Variants in DNAJC24 observed in about 807,000 individuals in gnomAD.
DNAJC24 encodes DnaJ heat shock protein family (Hsp40) member C24, also known as dnaJ homolog subfamily C member 24.
In DNAJC24, 17 loss-of-function variants were observed where a neutral mutation model predicts 18.0. The observed-to-expected ratio is 0.94, with a 90% CI of 0.65 to 1.42. The LOEUF is 1.42. DNAJC24 is among the 40% of genes most tolerant of loss of function. DNAJC24 has a pLI of 0.00. For missense variants in DNAJC24, 158 were observed against 175.6 expected, an observed-to-expected ratio of 0.90 and a Z score of 0.57; for synonymous variants, 55 against 57.7, an observed-to-expected ratio of 0.95 and a Z score of 0.21.
At chr11:31,398,910 A>C (rs1169646265) in intron 2 of DNAJC24, among the ~76,000 whole-genome samples, 3 of 152,176 alleles carry the variant, frequency 2.0e-5, no homozygotes, top group Non-Finnish European at 2.9e-5. Flanking sequence ...AATTGTATAA[A>C]AAAACATCTT....
intron 2 of DNAJC24, among the ~76,000 whole-genome samples, chr11:31,379,172 T>G (rs992879639): frequency 2.6e-5 from 4 of 152,164 alleles, no homozygotes; most frequent in Non-Finnish European, 5.9e-5. Flanking sequence ...TACTGGTCCA[T>G]GGCCAGTTAG....
intron 2 of DNAJC24, among the ~76,000 whole-genome samples, chr11:31,403,241 G>A (rs1006884103): frequency 5.9e-5 from 9 of 151,822 alleles, no homozygotes; most frequent in African/African-American, 2.2e-4. Context: ...CTGCCCATCA[G>A]GTTCACCAAA....
chr11:31,380,132 T>C lies in DNAJC24; in HGVS notation c.111+9273T>C, dbSNP rs191965498. Among the ~76,000 whole-genome samples the C allele has an allele frequency of 9.2e-4, 140 of 152,322 alleles. 1 individual carries two copies. Among genetic ancestry groups the C allele is most frequent in the African/African-American group, 3.2e-3 (134 of 41,574 alleles). ...ACTTACCTAGCTGATAGGAAATCTA[T>C]GAAGAGATGATTTAGGGCATTATTA... On this transcript the variant is annotated intron_variant, in intron 2 of 4. Transcript: ENST00000465995.
In DNAJC24 at chr11:31,379,590, T is replaced by A. The variant is rs75941010; in HGVS notation, c.111+8731T>A. Among the ~76,000 whole-genome samples, 1,190 of 152,240 alleles carry A rather than the reference T, an allele frequency of 7.8e-3. 19 individuals carry two copies. Among genetic ancestry groups the A allele is most frequent in the African/African-American group, 0.027 (1,139 of 41,540 alleles). ...AATGGATGCAATTTAAACAGAACAA[T>A]TAATTGAGACTGCAGTGGTAATCTG... On this transcript the variant is annotated intron_variant, in intron 2 of 4. Coordinates refer to ENST00000465995, the MANE Select transcript of DNAJC24 (RefSeq NM_181706.5).
intron 2 of DNAJC24, among the ~76,000 whole-genome samples, chr11:31,381,168 T>G (rs982937782): frequency 6.6e-6 from 1 of 152,214 alleles, no homozygotes; most frequent in Non-Finnish European, 1.5e-5. Context: ...ACATGAAGCA[T>G]CGTTAAAATT....
At chr11:31,389,720 T>C (rs1952469356) in intron 2 of DNAJC24, among the ~76,000 whole-genome samples, 1 of 152,218 alleles carries the variant, frequency 6.6e-6, no homozygotes, top group South Asian at 2.1e-4. Context: ...ATTCTTCTCA[T>C]CAGCACATGT....
At chr11:31,420,806 A>G (rs901076100) in intron 3 of DNAJC24, among the ~76,000 whole-genome samples, 10 of 152,124 alleles carry the variant, frequency 6.6e-5, no homozygotes, top group Admixed American at 4.6e-4. Flanking sequence ...GTTGTGTACA[A>G]TCTACTATTT....
intron 3 of DNAJC24, among the ~76,000 whole-genome samples, chr11:31,425,360 G>T (rs1952851435): frequency 6.6e-6 from 1 of 152,108 alleles, no homozygotes; most frequent in Non-Finnish European, 1.5e-5. Flanking sequence ...AGCACTTTTA[G>T]TCTGATCTCA....
intron 2 of DNAJC24, among the ~76,000 whole-genome samples, chr11:31,389,470 A>T (rs1012863189): frequency 6.6e-6 from 1 of 152,234 alleles, no homozygotes; most frequent in Non-Finnish European, 1.5e-5. Context: ...TTGTAAATAC[A>T]TATACACCAA....
In DNAJC24 at chr11:31,396,166, T is replaced by G. The variant is rs79878268; in HGVS notation, c.112-18645T>G. ...TTTGCCAAATGTAGTGGATTTACTG[T>G]GACATCTGATACTGTTGTAAGTCTT... On this transcript the variant is annotated intron_variant, in intron 2 of 4. Transcript: ENST00000465995. 43 of 369,884 alleles carry G rather than the reference T, an allele frequency of 1.2e-4. No homozygotes were observed. In the East Asian group the frequency reaches 3.0e-3, roughly 25 times the overall value. The allele number at this position is 369,884 out of a possible 1,614,324, so 22.9% of individuals were successfully genotyped here.
At chr11:31,396,350 A>C (rs1952542621) in intron 2 of DNAJC24, 1 of 449,778 alleles carries the variant, frequency 2.2e-6, no homozygotes, top group South Asian at 1.6e-5. Flanking sequence ...CTTCACTTAC[A>C]AGGAAATCAA....
intron 2 of DNAJC24, among the ~76,000 whole-genome samples, chr11:31,401,359 A>G (rs1952599697): frequency 6.6e-6 from 1 of 152,100 alleles, no homozygotes; most frequent in African/African-American, 2.4e-5. Context: ...ACTGTCTTTC[A>G]GTGTTCTTTA....
intron 2 of DNAJC24, 39 bp from the exon 3 acceptor site, chr11:31,414,768 GCTCT>G: frequency 1.1e-5 from 17 of 1,565,818 alleles, no homozygotes; most frequent in Non-Finnish European, 1.5e-5. Flanking sequence ...ACCCCACTCA[GCTCT>G]CTCTACTCAC....
chr11:31,372,513 T>A (rs7108998), intron 2 of DNAJC24, among the ~76,000 whole-genome samples: 3,004 of 135,584 alleles, frequency 0.022, 314 homozygotes, highest in African/African-American at 0.069. Context: ...ATCCTAATAT[T>A]AAACCATCCT....
Position 31,418,931 on chromosome 11 carries a change from A to G in DNAJC24, c.250+3982A>G, listed in dbSNP as rs530847978. 3.9e-5 allele frequency among the ~76,000 whole-genome samples: 6 copies of G among 152,216 alleles called. No individual in the cohort carries two copies. In the South Asian group the frequency reaches 1.2e-3, roughly 32 times the overall value. On this transcript the variant is annotated intron_variant, in intron 3 of 4. Coordinates refer to ENST00000465995, the MANE Select transcript of DNAJC24 (RefSeq NM_181706.5). The stretch of plus-strand genomic sequence containing the variant: ...AAGCAAATCTTAAAACAAATGAGGA[A>G]CATACCTTAAAACCCCACCAACAAG...
intron 2 of DNAJC24, among the ~76,000 whole-genome samples, chr11:31,399,728 A>T (rs1024974493): frequency 1.1e-4 from 14 of 123,740 alleles, no homozygotes; most frequent in African/African-American, 1.5e-4. Context: ...TTTTTTTTTT[A>T]ACTGTTTTTT....
intron 2 of DNAJC24, among the ~76,000 whole-genome samples, chr11:31,401,870 G>A: frequency 6.6e-6 from 1 of 152,168 alleles, no homozygotes; most frequent in South Asian, 2.1e-4. Flanking sequence ...GGCTGTCTAT[G>A]TTAAATGCAG....
chr11:31,389,713 C>A lies in DNAJC24; in HGVS notation c.111+18854C>A, dbSNP rs1022928949. 3.3e-5 allele frequency among the ~76,000 whole-genome samples: 5 copies of A among 152,186 alleles called. No individual in the cohort carries two copies. The East Asian group carries it at 7.7e-4, about 24-fold the overall frequency. On this transcript the variant is annotated intron_variant, in intron 2 of 4. Transcript: ENST00000465995. The stretch of plus-strand genomic sequence containing the variant: ...ATCTAACAGCTGCAGAATAAATATT[C>A]TTCTCATCAGCACATGTATCATTCT...
At chr11:31,416,029 G>A (rs934888261) in intron 3 of DNAJC24, 1 of 152,140 alleles carries the variant, frequency 6.6e-6, no homozygotes, top group Admixed American at 6.5e-5. Context: ...TGATACTTCT[G>A]TGTGGAAAGA....
Sources: gnomAD v4.1 joint callset for allele counts (sites outside exome capture counted in the v4.1 genomes callset) on GRCh38, gnomAD v4.1.1 for gene constraint, MANE v1.5 for transcripts, NCBI Gene and HGNC (gene_info 2026-07-23, HGNC 2026-07-21) for gene names.